Variants in CEP128 observed in about 807,000 individuals in gnomAD.
CEP128 encodes centrosomal protein 128, also known as centrosomal protein 128kDa.
Under a neutral mutation model 156.7 loss-of-function variants are expected in CEP128, and 132 were observed. The observed-to-expected ratio is 0.84, with a 90% CI of 0.73 to 0.97. The LOEUF (loss-of-function observed/expected upper bound fraction) is 0.97. Among genes scored for constraint, CEP128 ranks in the 50% least tolerant of loss-of-function variants. The pLI is 0.00. For synonymous variants in CEP128, 469 were observed against 448.9 expected, an observed-to-expected ratio of 1.04 and a Z score of -0.57; for missense variants, 1,252 against 1,281.9, an observed-to-expected ratio of 0.98 and a Z score of 0.36.
intron 19 of CEP128, among the ~76,000 whole-genome samples, chr14:80,597,950 C>CAAAAAAAAAAAAAAAAAAA (rs34001813): frequency 2.5e-5 from 2 of 80,134 alleles, no homozygotes; most frequent in African/African-American, 5.0e-5. Context: ...TCCTCAGCTA[C>CAAAAAAAAAAAAAAAAAAA]AAAAAAAAAA....
intron 10 of CEP128, among the ~76,000 whole-genome samples, chr14:80,839,692 T>C (rs1389603557): frequency 6.6e-6 from 1 of 152,198 alleles, no homozygotes; most frequent in East Asian, 1.9e-4. Flanking sequence ...TACAATATCC[T>C]ATAAATCTAT....
intron 22 of CEP128, among the ~76,000 whole-genome samples, chr14:80,528,648 A>C (rs1248710044): frequency 6.6e-6 from 1 of 152,194 alleles, no homozygotes; most frequent in Admixed American, 6.5e-5. Context: ...GGCCTATCTA[A>C]ATAAGATGAG....
At chr14:80,526,693 C>T in intron 23 of CEP128, 176 bp downstream of exon 23, 1 of 463,856 alleles carries the variant, frequency 2.2e-6, no homozygotes, top group Non-Finnish European at 3.8e-6. Flanking sequence ...GTGGTAGGCA[C>T]AAACTCTGGA....
At chr14:80,794,094 G>C (rs955492864) in intron 13 of CEP128, among the ~76,000 whole-genome samples, 1 of 152,102 alleles carries the variant, frequency 6.6e-6, no homozygotes, top group Non-Finnish European at 1.5e-5. Flanking sequence ...AAAAGGTCAT[G>C]TGTCCGAATA....
chr14:80,911,338 A>G (rs1305244838), intron 4 of CEP128, among the ~76,000 whole-genome samples: 1 of 152,144 alleles, frequency 6.6e-6, no homozygotes, highest in Non-Finnish European at 1.5e-5. Context: ...ATCCCTACTA[A>G]AAAAGTAAAA....
At chr14:80,955,333 T>C in intron 2 of CEP128, 1 of 236,460 alleles carries the variant, frequency 4.2e-6, no homozygotes, top group African/African-American at 9.3e-5. Context: ...AGAGAACTAA[T>C]GGGAGGGGCG....
chr14:80,490,205 GGTA>G (rs1166479479), downstream of CEP128, among the ~76,000 whole-genome samples: 1 of 151,946 alleles, frequency 6.6e-6, no homozygotes. Context: ...AAGATGGAAA[GGTA>G]GAAAAAATCC....
rs1277454313 is a variant in CEP128, at chr14:80,580,178, G to C, written c.2856+196C>G. Among the ~76,000 whole-genome samples the C allele has an allele frequency of 3.3e-5, 5 of 152,178 alleles. No homozygotes were observed. The East Asian group carries it at 7.7e-4, about 23-fold the overall frequency. ...AAAATTTCCTATCAAAAGTAGCATA[G>C]AGGCTGATTTGGCTTCCTGCTTTAG... On this transcript the variant is annotated intron_variant, in intron 20 of 24. Coordinates refer to ENST00000555265, the MANE Select transcript of CEP128 (RefSeq NM_152446.5).
In CEP128 at chr14:80,953,213, G is replaced by A. The variant is rs550787921; in HGVS notation, c.-172+4965C>T. 8.5e-5 allele frequency among the ~76,000 whole-genome samples: 13 copies of A among 152,322 alleles called. No individual in the cohort carries two copies. The East Asian group carries it at 2.5e-3, about 29-fold the overall frequency. On this transcript the variant is annotated intron_variant, in intron 2 of 7. Transcript: ENST00000555529. The stretch of plus-strand genomic sequence containing the variant: ...AGAAGTTACAGAAAAGAAAATAACA[G>A]ACTACTATCCCTTGTGAACGTCTAT...
chr14:80,882,685 AATGGAT>A (rs140851028), intron 8 of CEP128, among the ~76,000 whole-genome samples: 1,782 of 152,346 alleles, frequency 0.012, 47 homozygotes, highest in African/African-American at 0.041. Flanking sequence ...TCAACAGATG[AATGGAT>A]AAAGAAAATG....
chr14:80,955,436 G>T (rs1341990025), intron 2 of CEP128: 3 of 579,348 alleles, frequency 5.2e-6, no homozygotes, highest in Non-Finnish European at 9.3e-6. Flanking sequence ...CGTGGGTCCA[G>T]CCAAGGAAAG....
chr14:80,878,451 T>C (rs1474869345), intron 8 of CEP128, among the ~76,000 whole-genome samples: 1 of 152,182 alleles, frequency 6.6e-6, no homozygotes, highest in Non-Finnish European at 1.5e-5. Flanking sequence ...TCCTCAGTCC[T>C]TGCTGCTGTT....
chr14:80,864,085 A>G lies in CEP128; in HGVS notation c.646-1212T>C, dbSNP rs560776682. On this transcript the variant is annotated intron_variant, in intron 8 of 24. Transcript: ENST00000555265. Reference sequence around the variant, plus strand: ...AGGCGGAAGACCTTTATGATGATCAACTTCCACTTAATGAATGGTAAATGT... The same window carrying G: ...AGGCGGAAGACCTTTATGATGATCAGCTTCCACTTAATGAATGGTAAATGT... 3.9e-5 allele frequency among the ~76,000 whole-genome samples: 6 copies of G among 152,334 alleles called. No homozygotes were observed. The South Asian group carries it at 1.2e-3, about 32-fold the overall frequency.
rs148080713 is a variant in CEP128, at chr14:80,901,213, A to T, written c.481-1184T>A. 4.2e-3 allele frequency among the ~76,000 whole-genome samples: 645 copies of T among 152,314 alleles called. 6 individuals are homozygous for T. Among genetic ancestry groups the T allele is most frequent in the African/African-American group, 0.011 (471 of 41,580 alleles). On this transcript the variant is annotated intron_variant, in intron 6 of 24. Transcript: ENST00000555265. ...AGAGCGAGACTCCGTCTCAAAAAAA[A>T]AAATAAATAAAAGAGGCTTGGGGGT...
At chr14:80,840,873 G>A (rs1473049597) in intron 9 of CEP128, 105 bp from the exon 10 acceptor site, 3 of 710,098 alleles carry the variant, frequency 4.2e-6, no homozygotes, top group Non-Finnish European at 7.4e-6. Context: ...ATGGATATGA[G>A]TTACACAAAA....
intron 2 of CEP128, among the ~76,000 whole-genome samples, chr14:80,924,348 T>C (rs1251618889): frequency 6.6e-6 from 1 of 152,254 alleles, no homozygotes; most frequent in Admixed American, 6.5e-5. Context: ...CAGTCAGTTC[T>C]GTTATGTTAG....
intron 19 of CEP128, among the ~76,000 whole-genome samples, chr14:80,637,274 A>C (rs1479296670): frequency 2.0e-5 from 3 of 152,074 alleles, no homozygotes. Flanking sequence ...AGGGGATATT[A>C]AGGTTGTGAA....
chr14:80,524,998 G>C (rs1450641772), intron 23 of CEP128, among the ~76,000 whole-genome samples: 3 of 152,100 alleles, frequency 2.0e-5, no homozygotes, highest in African/African-American at 7.2e-5. Flanking sequence ...AACATTCATA[G>C]CTTTGCCATA....
chr14:80,534,098 AT>A (rs1234205345), intron 21 of CEP128, among the ~76,000 whole-genome samples: 1 of 152,172 alleles, frequency 6.6e-6, no homozygotes, highest in Admixed American at 6.5e-5. Flanking sequence ...TCATAATTTC[AT>A]GATTAAGTGA....
Sources: allele counts gnomAD v4.1 joint callset (sites outside exome capture counted in the v4.1 genomes callset), GRCh38; gene constraint gnomAD v4.1.1; transcripts MANE v1.5; gene names NCBI Gene and HGNC (gene_info 2026-07-23, HGNC 2026-07-21).